PRR14L: variants seen among roughly 807,000 people sequenced by gnomAD.
PRR14L encodes the protein protein PRR14L.
Under a neutral mutation model 155.0 loss-of-function variants are expected in PRR14L, and 80 were observed. The observed-to-expected ratio is 0.52, with a 90% CI of 0.43 to 0.62. The LOEUF is 0.62. PRR14L is among the 20% of genes least tolerant of loss of function. PRR14L has a pLI of 0.00. For missense variants in PRR14L, 2,469 were observed against 2,548.0 expected (o/e 0.97, Z 0.67); for synonymous variants, 883 against 916.0 (o/e 0.96, Z 0.65).
At chr22:31,738,954 T>C (rs1282539636) in intron 1 of PRR14L, 43 bp from the exon 2 acceptor site, 3 of 889,432 alleles carry the variant, frequency 3.4e-6, no homozygotes, top group East Asian at 5.3e-5. Flanking sequence ...AAAACCTTGA[T>C]AGGTTAGAAG....
intron 4 of PRR14L, 137 bp downstream of exon 4, chr22:31,711,946 G>A: frequency 3.8e-6 from 3 of 799,092 alleles, no homozygotes; most frequent in Non-Finnish European, 5.8e-6. Context: ...TCTCAGCAGA[G>A]ATTTCGCAAG....
At position 31,714,751 on chromosome 22, in the gene PRR14L, G is replaced by A; in HGVS notation, c.3088C>T (p.Pro1030Ser). Reference protein sequence around the residue: ...GSNNSLPCGSPKKCNLKGAFV... With the variant: ...GSNNSLPCGSSKKCNLKGAFV... ...GCTCCTTTCAAATTGCATTTCTTTG[G>A]ACTACCACAAGGTAGTGAGTTATTA... is the stretch of plus-strand genomic sequence containing the variant. The change falls in exon 4 of 9, where the codon CCA becomes TCA. Residue 1030 changes from proline to serine, a missense_variant. Physicochemically the swap from Pro to Ser is moderately conservative, Grantham distance 74. This residue lies in a region of PRR14L where 2,363 missense variants were observed against 2,371.6 expected (regional missense o/e 1.00). Transcript: ENST00000327423. 1 of 1,552,326 alleles carries A rather than the reference G, an allele frequency of 6.4e-7. No individual in the cohort carries two copies. Among genetic ancestry groups the A allele is most frequent in the African/African-American group, 1.4e-5 (1 of 73,174 alleles).
At chr22:31,704,250 A>G (rs2074578038) in intron 5 of PRR14L, among the ~76,000 whole-genome samples, 1 of 152,180 alleles carries the variant, frequency 6.6e-6, no homozygotes, top group Non-Finnish European at 1.5e-5. Flanking sequence ...TTGCTATGGA[A>G]TTTTATAAGG....
Position 31,713,095 on chromosome 22 carries a change from G to T in PRR14L, c.4744C>A (p.Pro1582Thr). 6 of 1,552,314 alleles carry T rather than the reference G, an allele frequency of 3.9e-6. No homozygotes were observed. The highest frequency in any genetic ancestry group is 5.2e-6 in the Non-Finnish European group (6 of 1,147,138). ...ATGTGACTAACCAAGCTCTTGGTAG[G>T]TGCTGTTTCAGGTTCTAATCGTGTA... Reference protein sequence around the residue: ...APTRLEPETAPTKSLVSHIPK... With the variant: ...APTRLEPETATTKSLVSHIPK... The change falls in exon 4 of 9, where the codon CCT becomes ACT. Residue 1582 changes from proline to threonine, a missense_variant. Around this residue, in one of 2 missense-constraint regions of PRR14L, gnomAD observed 2,363 missense variants for 2,371.6 expected, o/e 1.00. Transcript: ENST00000327423.
At chr22:31,699,139 C>T (rs111581132) in intron 7 of PRR14L, among the ~76,000 whole-genome samples, 5,392 of 152,046 alleles carry the variant, frequency 0.035, 117 homozygotes, top group South Asian at 0.065. Flanking sequence ...CGGGTTCAAG[C>T]GACTCTCCTG....
At chr22:31,702,900 C>T (rs543731582) in intron 6 of PRR14L, among the ~76,000 whole-genome samples, 1 of 151,574 alleles carries the variant, frequency 6.6e-6, no homozygotes, top group African/African-American at 2.4e-5. Context: ...GCTGCAAACT[C>T]TGCCTCCCGG....
At chr22:31,708,984 C>T (rs527584475) in intron 4 of PRR14L, among the ~76,000 whole-genome samples, 3 of 152,040 alleles carry the variant, frequency 2.0e-5, no homozygotes, top group East Asian at 1.9e-4. Flanking sequence ...GCACCACACC[C>T]GGCTAATTTT....
intron 1 of PRR14L, among the ~76,000 whole-genome samples, chr22:31,743,773 G>C (rs1263410792): frequency 6.7e-6 from 1 of 150,106 alleles, no homozygotes; most frequent in Non-Finnish European, 1.5e-5. Context: ...CTGCACTCCA[G>C]ACTGGGTGAC....
intron 8 of PRR14L, 130 bp from the exon 9 acceptor site, chr22:31,685,933 C>A: frequency 2.5e-6 from 2 of 806,894 alleles, no homozygotes; most frequent in Admixed American, 2.9e-5. Flanking sequence ...CTTGCGCCAA[C>A]TCTTTTTCTT....
At chr22:31,724,545 T>C (rs935670800) in intron 3 of PRR14L, among the ~76,000 whole-genome samples, 1 of 151,126 alleles carries the variant, frequency 6.6e-6, no homozygotes, top group Non-Finnish European at 1.5e-5. Context: ...GGACCACAGG[T>C]GTGTGTGCTG....
chr22:31,705,926 G>A (rs535771924), intron 4 of PRR14L, among the ~76,000 whole-genome samples: 13 of 152,038 alleles, frequency 8.6e-5, no homozygotes, highest in South Asian at 8.3e-4. Flanking sequence ...GCTTGAACCC[G>A]GGAGGAGGAG....
At chr22:31,737,591 C>T (rs1287480523) in intron 2 of PRR14L, among the ~76,000 whole-genome samples, 1 of 151,012 alleles carries the variant, frequency 6.6e-6, no homozygotes, top group Non-Finnish European at 1.5e-5. Flanking sequence ...AATTTGAGAG[C>T]AGCCTAGGTA....
intron 1 of PRR14L, among the ~76,000 whole-genome samples, chr22:31,743,752 A>C (rs1475965615): frequency 6.6e-6 from 1 of 151,408 alleles, no homozygotes; most frequent in East Asian, 1.9e-4. Flanking sequence ...CAGTGACCTG[A>C]GATGGGGCCA....
rs1364667448 is a variant in PRR14L at position 31,714,520 on chromosome 22, C to T, written c.3319G>A (p.Gly1107Arg). The part of the protein sequence containing the change: ...SRRELDAAHT[G>R]TTGQDSDFPV... ...AAATCTGAATCCTGACCAGTTGTTC[C>T]TGTATGTGCAGCATCCAGTTCTCTC... Residue 1107 changes from glycine to arginine, a missense_variant, in exon 4 of 9, where the codon GGA becomes AGA. Physicochemically the swap from Gly to Arg is moderately radical, Grantham distance 125. Transcript: ENST00000327423. 6 of 1,552,152 alleles carry T rather than the reference C, an allele frequency of 3.9e-6. No individual in the cohort carries two copies. The South Asian group carries it at 5.9e-5, about 15-fold the overall frequency.
intron 3 of PRR14L, among the ~76,000 whole-genome samples, chr22:31,719,466 GA>G (rs1440070835): frequency 6.6e-6 from 1 of 151,720 alleles, no homozygotes; most frequent in Admixed American, 6.6e-5. Flanking sequence ...ATTCTTACTA[GA>G]ATGTAAACTC....
At position 31,713,404 on chromosome 22, in the gene PRR14L, C is replaced by A. The variant is rs1393794418; in HGVS notation, c.4435G>T (p.Asp1479Tyr). 1 of 1,551,902 alleles carries A rather than the reference C, an allele frequency of 6.4e-7. No homozygotes were observed. Among genetic ancestry groups the A allele is most frequent in the Non-Finnish European group, 8.7e-7 (1 of 1,147,070 alleles). Residue 1479 changes from aspartate to tyrosine, a missense_variant, in exon 4 of 9, where the codon GAC becomes TAC. Physicochemically the swap from Asp to Tyr is radical, Grantham distance 160 (BLOSUM62 -3). This residue lies in a region of PRR14L where 2,363 missense variants were observed against 2,371.6 expected (regional missense o/e 1.00). Transcript: ENST00000327423. ...CAAGGACTTGTGCATGACTCAGTGT[C>A]CTTCCTTAATGGATGATGTAACCTT... ...EERLHHPLRK[D>Y]TESCTSPCLL... is the part of the protein sequence containing the mutation.
Position 31,716,921 on chromosome 22 carries a change from A to C in PRR14L, c.918T>G (p.Cys306Trp). The C allele has an allele frequency of 6.4e-7, 1 of 1,552,092 alleles. No individual in the cohort carries two copies. The highest frequency in any genetic ancestry group is 8.7e-7 in the Non-Finnish European group (1 of 1,147,072). Residue 306 changes from cysteine to tryptophan, a missense_variant, in exon 4 of 9, where the codon TGT becomes TGG. Physicochemically the swap from Cys to Trp is radical, Grantham distance 215 (BLOSUM62 -2). This residue lies in a region of PRR14L where 2,363 missense variants were observed against 2,371.6 expected (regional missense o/e 1.00). Coordinates refer to ENST00000327423, the MANE Select transcript of PRR14L (RefSeq NM_173566.3). ...GCTGTTGGTGATTGTCATCTGCTTC[A>C]CAGACCAGGTTTGGTTTACACAACT... ...KEELCKPNLV[C>W]EADDNHQQLH...
chr22:31,715,856 T>C lies in PRR14L; in HGVS notation c.1983A>G (p.Gln661=), dbSNP rs1320728288. The part of the protein sequence containing the change: ...VLNQQVSLNS[Q]EHANLPTDSL... ...AGTCAGTTGGCAAATTTGCATGTTCTTGAGAATTAAGGGACACTTGTTGAT... is the reference window on the plus strand; with the variant it reads ...AGTCAGTTGGCAAATTTGCATGTTCCTGAGAATTAAGGGACACTTGTTGAT... The change falls in exon 4 of 9, where the codon CAA becomes CAG. Residue 661 remains glutamine, a synonymous_variant. Transcript: ENST00000327423. 2 of 1,551,658 alleles carry C rather than the reference T, an allele frequency of 1.3e-6. No individual in the cohort carries two copies. The highest frequency in any genetic ancestry group is 1.7e-6 in the Non-Finnish European group (2 of 1,146,918).
rs1435111323 is a variant in PRR14L, at chr22:31,713,750, A to G, written c.4089T>C (p.Thr1363=). ...TGTTGCTCACGGGATCGCCATCGCC[A>G]GTTTCTCTGGTAACCAACTCCTCAG... ...EQSEELVTRE[T]GDGDPVSNIS... The change falls in exon 4 of 9, where the codon ACT becomes ACC. Residue 1363 remains threonine, a synonymous_variant. Transcript: ENST00000327423. 8 of 1,552,244 alleles carry G rather than the reference A, an allele frequency of 5.2e-6. No homozygotes were observed. The highest frequency in any genetic ancestry group is 7.0e-6 in the Non-Finnish European group (8 of 1,147,156).
Sources: gnomAD v4.1 joint callset for allele counts (sites outside exome capture counted in the v4.1 genomes callset) on GRCh38, gnomAD v4.1.1 for gene constraint, gnomAD v4.1.1 regional missense constraint, MANE v1.5 for transcripts, NCBI Gene and HGNC (gene_info 2026-07-23, HGNC 2026-07-21) for gene names.